CNTNAP5: variants seen among roughly 807,000 people sequenced by gnomAD.
The protein encoded by CNTNAP5 is contactin-associated protein-like 5.
A neutral mutation model predicts 150.2 loss-of-function variants in CNTNAP5; 72 were observed. That is an observed-to-expected ratio of 0.48 (90% confidence interval 0.40 to 0.58). The LOEUF (loss-of-function observed/expected upper bound fraction) is 0.58, where lower values mean the gene tolerates loss of function less well. CNTNAP5 is among the 20% of genes least tolerant of loss of function. The pLI, the probability that CNTNAP5 is intolerant of heterozygous loss-of-function variation, is 0.00. For synonymous variants in CNTNAP5, 672 were observed against 619.8 expected (o/e 1.08, Z -1.25); for missense variants, 1,636 against 1,626.2 (o/e 1.01, Z -0.10).
At chr2:124,601,767 T>C (rs1696990609) in intron 11 of CNTNAP5, among the ~76,000 whole-genome samples, 1 of 152,230 alleles carries the variant, frequency 6.6e-6, no homozygotes, top group Non-Finnish European at 1.5e-5. Flanking sequence ...CCAAATGTTC[T>C]TCAGTGGATT....
At chr2:124,655,687 C>T (rs1678428638) in intron 13 of CNTNAP5, among the ~76,000 whole-genome samples, 1 of 151,740 alleles carries the variant, frequency 6.6e-6, no homozygotes, top group South Asian at 2.1e-4. Flanking sequence ...GGCTTGAGAA[C>T]AGGAGTTGGA....
chr2:124,159,831 C>A (rs1684631793), intron 1 of CNTNAP5, among the ~76,000 whole-genome samples: 1 of 152,122 alleles, frequency 6.6e-6, no homozygotes, highest in African/African-American at 2.4e-5. Context: ...ATCAAAAATT[C>A]TATGAAATTC....
At chr2:124,305,238 A>G (rs1688658612) in intron 3 of CNTNAP5, among the ~76,000 whole-genome samples, 1 of 151,566 alleles carries the variant, frequency 6.6e-6, no homozygotes. Flanking sequence ...AGATTGCACC[A>G]CTGCACTCTA....
chr2:124,723,759 C>T (rs1680095956), intron 13 of CNTNAP5, among the ~76,000 whole-genome samples: 1 of 152,140 alleles, frequency 6.6e-6, no homozygotes, highest in Admixed American at 6.6e-5. Flanking sequence ...TGTTCCCATG[C>T]CCAGTTCATC....
chr2:124,327,859 T>A (rs1039818486), intron 3 of CNTNAP5, among the ~76,000 whole-genome samples: 15 of 152,184 alleles, frequency 9.9e-5, no homozygotes, highest in African/African-American at 2.4e-5. Context: ...CTTCAGGAAC[T>A]CTTCAGACTG....
chr2:124,136,751 G>A (rs770621047), intron 1 of CNTNAP5, among the ~76,000 whole-genome samples: 2 of 152,244 alleles, frequency 1.3e-5, no homozygotes, highest in Non-Finnish European at 1.5e-5. Context: ...GCAAAATCAA[G>A]TTTATACTGA....
At chr2:124,567,066 GT>G (rs375078532) in intron 11 of CNTNAP5, among the ~76,000 whole-genome samples, 46 of 152,288 alleles carry the variant, frequency 3.0e-4, no homozygotes, top group African/African-American at 1.1e-3. Context: ...TATTCTCTTA[GT>G]TTTGTCAAGC....
intron 2 of CNTNAP5, among the ~76,000 whole-genome samples, chr2:124,224,007 C>G (rs1048481137): frequency 2.6e-5 from 4 of 151,882 alleles, no homozygotes. Flanking sequence ...CAGGGAGATA[C>G]GGTATCAGTG....
intron 3 of CNTNAP5, among the ~76,000 whole-genome samples, chr2:124,397,709 A>T (rs752487993): frequency 2.6e-5 from 4 of 152,220 alleles, no homozygotes; most frequent in Admixed American, 6.5e-5. Flanking sequence ...TGAATAGACT[A>T]AGATTCTGAA....
chr2:124,116,464 C>T (rs1000739301), intron 1 of CNTNAP5, among the ~76,000 whole-genome samples: 1 of 152,174 alleles, frequency 6.6e-6, no homozygotes, highest in Admixed American at 6.5e-5. Context: ...AGCTGGACAT[C>T]CATAGTTTTA....
chr2:124,279,441 CAG>C lies in CNTNAP5; in HGVS notation c.381+37051_381+37052del, dbSNP rs1469168404. Among the ~76,000 whole-genome samples the C allele has an allele frequency of 4.6e-5, 7 of 152,174 alleles. No individual in the cohort carries two copies. The East Asian group carries it at 1.4e-3, about 29-fold the overall frequency. The stretch of plus-strand genomic sequence containing the variant: ...TTCTGTGTAGTATGAGCTCATATAA[CAG>C]AGGTAATGATAGGTAACATTCACTG... On this transcript the variant is annotated intron_variant, in intron 3 of 23. Coordinates refer to ENST00000682447, the MANE Select transcript of CNTNAP5 (RefSeq NM_001367498.1).
chr2:124,599,841 A>C (rs1696940263), intron 11 of CNTNAP5, among the ~76,000 whole-genome samples: 1 of 151,344 alleles, frequency 6.6e-6, no homozygotes, highest in South Asian at 2.1e-4. Context: ...GGTTGGGGGG[A>C]GCTCCTTAAA....
At chr2:124,553,171 AAC>A (rs1695669095) in intron 10 of CNTNAP5, among the ~76,000 whole-genome samples, 1 of 152,202 alleles carries the variant, frequency 6.6e-6, no homozygotes, top group Non-Finnish European at 1.5e-5. Context: ...TATAACACAA[AAC>A]ACTGGCAAAG....
At chr2:124,303,441 T>C (rs780613093) in intron 3 of CNTNAP5, among the ~76,000 whole-genome samples, 1 of 152,180 alleles carries the variant, frequency 6.6e-6, no homozygotes, top group African/African-American at 2.4e-5. Context: ...TCAACAGCCA[T>C]AGAAAATGTC....
chr2:124,531,599 A>G (rs2104895121), intron 10 of CNTNAP5, among the ~76,000 whole-genome samples: 1 of 152,284 alleles, frequency 6.6e-6, no homozygotes, highest in Admixed American at 6.5e-5. Context: ...GTCCAGAGGC[A>G]CTAATATCCC....
At chr2:124,539,737 A>G (rs1695334055) in intron 10 of CNTNAP5, among the ~76,000 whole-genome samples, 1 of 152,234 alleles carries the variant, frequency 6.6e-6, no homozygotes, top group Non-Finnish European at 1.5e-5. Context: ...GGTTCTGTGT[A>G]TATCAGCAGG....
At chr2:124,592,225 G>A (rs34386361) in intron 11 of CNTNAP5, among the ~76,000 whole-genome samples, 59,598 of 151,822 alleles carry the variant, frequency 0.39, 12,929 homozygotes, top group South Asian at 0.5. Context: ...AGTGTTTCTT[G>A]GAGCAGATCA....
intron 8 of CNTNAP5, among the ~76,000 whole-genome samples, chr2:124,506,334 A>G (rs1694406270): frequency 6.6e-6 from 1 of 152,158 alleles, no homozygotes; most frequent in African/African-American, 2.4e-5. Context: ...GCAGGTAGTC[A>G]GGAAAAAAAA....
At chr2:124,393,395 C>T (rs1052457718) in intron 3 of CNTNAP5, among the ~76,000 whole-genome samples, 6 of 152,146 alleles carry the variant, frequency 3.9e-5, no homozygotes, top group Non-Finnish European at 8.8e-5. Context: ...TCAGAATAGA[C>T]TTCTCCAGTC....
Sources: allele counts gnomAD v4.1 joint callset (sites outside exome capture counted in the v4.1 genomes callset), GRCh38; gene constraint gnomAD v4.1.1; transcripts MANE v1.5; gene names NCBI Gene and HGNC (gene_info 2026-07-23, HGNC 2026-07-21).